The following CA13 variants were observed in gnomAD, a reference collection of about 807,000 sequenced individuals.
CA13 encodes carbonic anhydrase 13.
A neutral mutation model predicts 31.5 loss-of-function variants in CA13; 21 were observed. That is an observed-to-expected ratio of 0.67 (90% CI 0.47 to 0.96). The LOEUF is 0.96. CA13 is among the 40% of genes least tolerant of loss of function. CA13 has a pLI of 0.00. For synonymous variants in CA13, 117 were observed against 111.4 expected, an observed-to-expected ratio of 1.05 and a Z score of -0.32; for missense variants, 315 against 318.9, an observed-to-expected ratio of 0.99 and a Z score of 0.09.
intron 4 of CA13, among the ~76,000 whole-genome samples, chr8:85,267,659 A>G (rs896955434): frequency 5.3e-5 from 8 of 152,226 alleles, no homozygotes; most frequent in African/African-American, 1.2e-4. Context: ...AGCTGTTTCT[A>G]TTAGTTTTGG....
In CA13 at chr8:85,282,978, AC is replaced by A. The variant is rs1309134337; in HGVS notation, c.*1630del. On this transcript the variant is annotated 3_prime_UTR_variant, in exon 7 of 7. Transcript: ENST00000321764. ...CTTAGTCTGTCACTGAGGCTGGAGT[AC>A]AGTGGCACGATCTTGGCTCACTGCA... The A allele has an allele frequency of 4.0e-5, 6 of 151,626 alleles. No individual in the cohort carries two copies. Among genetic ancestry groups the A allele is most frequent in the Non-Finnish European group, 5.9e-5 (4 of 67,968 alleles). The allele number at this position is 151,626 out of a possible 1,614,324, so 9.4% of individuals were successfully genotyped here.
chr8:85,277,197 A>G (rs1413040117), intron 6 of CA13, among the ~76,000 whole-genome samples: 1 of 152,168 alleles, frequency 6.6e-6, no homozygotes, highest in Non-Finnish European at 1.5e-5. Context: ...CCCTCTTTGC[A>G]ATAAATCTTG....
chr8:85,266,735 C>G (rs749187045), intron 4 of CA13, 32 bp downstream of exon 4: 1 of 1,537,208 alleles, frequency 6.5e-7, no homozygotes, highest in Non-Finnish European at 9.0e-7. Flanking sequence ...TTTAAATGAT[C>G]AGCCTTGTTG....
chr8:85,269,278 C>T (rs1470690227), intron 6 of CA13, among the ~76,000 whole-genome samples: 1 of 152,068 alleles, frequency 6.6e-6, no homozygotes, highest in Admixed American at 6.6e-5. Flanking sequence ...ACTGTAAAAC[C>T]TTGTCTCTAC....
At chr8:85,274,996 G>GA (rs1807582320) in intron 6 of CA13, among the ~76,000 whole-genome samples, 1 of 152,192 alleles carries the variant, frequency 6.6e-6, no homozygotes, top group Admixed American at 6.5e-5. Context: ...CAGGGATAAG[G>GA]TAGCCATGAG....
chr8:85,280,797 T>C (rs1015266292), intron 6 of CA13, among the ~76,000 whole-genome samples: 3 of 152,342 alleles, frequency 2.0e-5, no homozygotes, highest in South Asian at 2.1e-4. Context: ...TAGGTTGATA[T>C]GTATTGGCAT....
Position 85,266,679 on chromosome 8 carries a change from G to C in CA13, c.426G>C (p.Leu142=). The C allele has an allele frequency of 6.2e-7, 1 of 1,613,804 alleles. No individual in the cohort carries two copies. Among genetic ancestry groups the C allele is most frequent in the Non-Finnish European group, 8.5e-7 (1 of 1,179,786 alleles). The change falls in exon 4 of 7, where the codon CTG becomes CTC. Residue 142 remains leucine, a synonymous_variant. Coordinates refer to ENST00000321764, the MANE Select transcript of CA13 (RefSeq NM_198584.3). ...AGGCAGCTCATGAACCAGATGGACTGGCTGTCTTGGGAGTGTTTTTACAGG... is the reference window on the plus strand; with the variant it reads ...AGGCAGCTCATGAACCAGATGGACTCGCTGTCTTGGGAGTGTTTTTACAGG... ...FVEAAHEPDG[L]AVLGVFLQIG...
At chr8:85,272,599 G>A (rs1197178294) in intron 6 of CA13, among the ~76,000 whole-genome samples, 1 of 151,964 alleles carries the variant, frequency 6.6e-6, no homozygotes, top group Non-Finnish European at 1.5e-5. Flanking sequence ...CCATGGTATG[G>A]ATATATTATA....
chr8:85,251,109 C>G (rs1333266265), intron 2 of CA13, among the ~76,000 whole-genome samples, 172 bp downstream of exon 2: 1 of 150,962 alleles, frequency 6.6e-6, no homozygotes, highest in Non-Finnish European at 1.5e-5. Flanking sequence ...TCAAGAGATT[C>G]TCCTGCCTCA....
At chr8:85,270,737 G>GT (rs1221245903) in intron 6 of CA13, among the ~76,000 whole-genome samples, 1 of 151,944 alleles carries the variant, frequency 6.6e-6, no homozygotes, top group Non-Finnish European at 1.5e-5. Context: ...GTTTAGTTTC[G>GT]TTTTTTGTTT....
intron 5 of CA13, 70 bp from the exon 6 acceptor site, chr8:85,268,402 A>G (rs1422636690): frequency 3.4e-5 from 44 of 1,286,520 alleles, no homozygotes; most frequent in Non-Finnish European, 4.9e-5. Flanking sequence ...AAGTACATGG[A>G]TGTATGTTTT....
chr8:85,262,364 A>C (rs1807396062), intron 3 of CA13, among the ~76,000 whole-genome samples: 2 of 151,844 alleles, frequency 1.3e-5, no homozygotes, highest in South Asian at 4.1e-4. Context: ...TTTAACTTAA[A>C]ACCTGGTTTG....
intron 2 of CA13, among the ~76,000 whole-genome samples, chr8:85,254,167 A>C (rs1434268432): frequency 6.6e-6 from 1 of 151,580 alleles, no homozygotes; most frequent in Non-Finnish European, 1.5e-5. Flanking sequence ...AATCCCAGCT[A>C]CTCAGGAGGC....
intron 2 of CA13, among the ~76,000 whole-genome samples, chr8:85,256,221 T>A (rs1323918258): frequency 2.1e-4 from 32 of 152,206 alleles, no homozygotes; most frequent in Non-Finnish European, 4.4e-5. Context: ...TTTTAAAAAA[T>A]TTGTGGTACT....
chr8:85,260,383 A>G (rs1178174911), intron 3 of CA13, among the ~76,000 whole-genome samples: 2 of 152,250 alleles, frequency 1.3e-5, no homozygotes, highest in African/African-American at 2.4e-5. Flanking sequence ...TGAGTCGCCT[A>G]GGCAGGACAG....
At chr8:85,279,994 C>G (rs914066143) in intron 6 of CA13, among the ~76,000 whole-genome samples, 2 of 151,960 alleles carry the variant, frequency 1.3e-5, no homozygotes, top group Non-Finnish European at 2.9e-5. Flanking sequence ...ACAAAAACCT[C>G]AAAATGGCCG....
chr8:85,266,244 G>A (rs1587541253), intron 3 of CA13, among the ~76,000 whole-genome samples: 1 of 152,202 alleles, frequency 6.6e-6, no homozygotes, highest in Admixed American at 6.5e-5. Flanking sequence ...AGGCTGGAGT[G>A]TGGTGGCGCA....
At chr8:85,273,336 G>A (rs1213690147) in intron 6 of CA13, among the ~76,000 whole-genome samples, 1 of 152,138 alleles carries the variant, frequency 6.6e-6, no homozygotes, top group African/African-American at 2.4e-5. Flanking sequence ...GGCTATGTAT[G>A]TATCTCCTTT....
At chr8:85,245,905 G>C in intron 1 of CA13, 40 bp downstream of exon 1, 2 of 1,613,014 alleles carry the variant, frequency 1.2e-6, no homozygotes, top group Non-Finnish European at 1.7e-6. Flanking sequence ...GTTTGTGCGG[G>C]GGACGAGAGG....
Sources: gnomAD v4.1 joint callset for allele counts (sites outside exome capture counted in the v4.1 genomes callset) on GRCh38, gnomAD v4.1.1 for gene constraint, MANE v1.5 for transcripts, NCBI Gene and HGNC (gene_info 2026-07-23, HGNC 2026-07-21) for gene names.